PREX1: variants seen among roughly 807,000 people sequenced by gnomAD.
The protein encoded by PREX1 is phosphatidylinositol 3,4,5-trisphosphate-dependent Rac exchanger 1 protein.
In PREX1, 41 loss-of-function variants were observed where a neutral mutation model predicts 198.3. That is an observed-to-expected ratio of 0.21 (90% CI 0.16 to 0.27). The LOEUF is 0.27. Ranked by LOEUF, PREX1 falls within the 10% of genes least tolerant of loss-of-function variation. The pLI is 1.00. For synonymous variants in PREX1, 843 were observed against 887.2 expected (o/e 0.95, Z 0.89); for missense variants, 1,620 against 2,200.7 (o/e 0.74, Z 5.28).
chr20:48,648,743 C>T (rs896922544), intron 25 of PREX1, among the ~76,000 whole-genome samples: 3 of 152,192 alleles, frequency 2.0e-5, no homozygotes, highest in African/African-American at 7.2e-5. Flanking sequence ...GCTTCCCCAT[C>T]ATTCGTTGAT....
chr20:48,834,727 T>C, the PREX1 span, among the ~76,000 whole-genome samples: 1 of 152,146 alleles, frequency 6.6e-6, no homozygotes, highest in African/African-American at 2.4e-5. Context: ...AACTGGCTAA[T>C]TTTATTTTTT....
intron 13 of PREX1, among the ~76,000 whole-genome samples, chr20:48,676,483 G>A (rs1249734900): frequency 6.6e-6 from 1 of 152,226 alleles, no homozygotes; most frequent in Non-Finnish European, 1.5e-5. Flanking sequence ...TCCACCTACA[G>A]AGTGGGAGGC....
intron 15 of PREX1, among the ~76,000 whole-genome samples, chr20:48,665,287 CGGCTCCA>C (rs2089630171): frequency 1.4e-5 from 2 of 145,044 alleles, no homozygotes; most frequent in African/African-American, 2.7e-5. Context: ...ATTCTAATCC[CGGCTCCA>C]GACGGCCTGA....
At chr20:48,847,693 T>C in the PREX1 span, among the ~76,000 whole-genome samples, 2 of 152,196 alleles carry the variant, frequency 1.3e-5, no homozygotes, top group African/African-American at 4.8e-5. Flanking sequence ...GTCTGGAATA[T>C]ATGACTCAAT....
At chr20:48,816,651 T>A (rs2090460537) in intron 1 of PREX1, among the ~76,000 whole-genome samples, 1 of 151,976 alleles carries the variant, frequency 6.6e-6, no homozygotes, top group African/African-American at 2.4e-5. Flanking sequence ...TCAAGGCACC[T>A]CTAGGAAGTG....
At chr20:48,883,984 C>T in the PREX1 span, among the ~76,000 whole-genome samples, 1 of 151,952 alleles carries the variant, frequency 6.6e-6, no homozygotes, top group Non-Finnish European at 1.5e-5. Context: ...ACTAAAAATA[C>T]AAAAAACTAG....
chr20:48,780,701 T>C (rs1195390737), intron 1 of PREX1, among the ~76,000 whole-genome samples: 11 of 152,062 alleles, frequency 7.2e-5, no homozygotes, highest in South Asian at 2.1e-4. Flanking sequence ...GTGAAGGAAA[T>C]AGAAAGCCAC....
At chr20:48,663,292 A>G (rs73144013) in intron 15 of PREX1, among the ~76,000 whole-genome samples, 26,703 of 152,188 alleles carry the variant, frequency 0.18, 2,464 homozygotes, top group Middle Eastern at 0.3. Flanking sequence ...ATAGATCCAA[A>G]GGCCTCTCAG....
chr20:48,632,038 C>T (rs1363737182), intron 35 of PREX1, among the ~76,000 whole-genome samples: 1 of 152,224 alleles, frequency 6.6e-6, no homozygotes, highest in Non-Finnish European at 1.5e-5. Context: ...GGCTGTGTGA[C>T]CTTGGGCAAG....
chr20:48,659,692 G>A (rs2122935596), intron 16 of PREX1, among the ~76,000 whole-genome samples: 1 of 152,290 alleles, frequency 6.6e-6, no homozygotes, highest in Admixed American at 6.5e-5. Flanking sequence ...AGAGGCAAGG[G>A]AACAGAAAGG....
chr20:48,757,406 G>A (rs2090160149), intron 1 of PREX1, among the ~76,000 whole-genome samples: 1 of 152,200 alleles, frequency 6.6e-6, no homozygotes, highest in Admixed American at 6.5e-5. Context: ...GGTTCAGCAG[G>A]TGACTGATGG....
chr20:48,769,027 T>G (rs1444864307), intron 1 of PREX1, among the ~76,000 whole-genome samples: 1 of 152,176 alleles, frequency 6.6e-6, no homozygotes, highest in Non-Finnish European at 1.5e-5. Context: ...ACGCATGGGT[T>G]GTCCTGGCTC....
Position 48,736,932 on chromosome 20 carries a change from G to A in PREX1, c.415-2282C>T, listed in dbSNP as rs150753750. Among the ~76,000 whole-genome samples the A allele has an allele frequency of 1.5e-3, 232 of 152,142 alleles. 1 individual carries two copies. Among genetic ancestry groups the A allele is most frequent in the Non-Finnish European group, 2.5e-3 (171 of 68,000 alleles). ...TCTAGGTTCATAGCCCAAGTCTCCC[G>A]GTCACCAGCTCTTGGTCAAGACAAG... On this transcript the variant is annotated intron_variant, in intron 3 of 39. Coordinates refer to ENST00000371941, the MANE Select transcript of PREX1 (RefSeq NM_020820.4).
At chr20:48,734,870 T>G (rs539720562) in intron 3 of PREX1, among the ~76,000 whole-genome samples, 4 of 152,144 alleles carry the variant, frequency 2.6e-5, no homozygotes, top group Admixed American at 6.5e-5. Flanking sequence ...AATAACTTTT[T>G]GGGAAGCAGT....
intron 1 of PREX1, among the ~76,000 whole-genome samples, chr20:48,808,957 C>T (rs981163798): frequency 6.6e-6 from 1 of 152,212 alleles, no homozygotes; most frequent in African/African-American, 2.4e-5. Flanking sequence ...ACAGCTGAGT[C>T]TTCAATAGAA....
intron 3 of PREX1, among the ~76,000 whole-genome samples, chr20:48,736,132 C>T (rs553871890): frequency 2.2e-4 from 33 of 152,290 alleles, no homozygotes; most frequent in Middle Eastern, 6.8e-3. Flanking sequence ...ATGAGTAGAA[C>T]GGTGTCTGGC....
At chr20:48,837,989 T>C in the PREX1 span, among the ~76,000 whole-genome samples, 1 of 152,200 alleles carries the variant, frequency 6.6e-6, no homozygotes, top group Admixed American at 6.5e-5. Flanking sequence ...AAAGGTATTA[T>C]ACATGATGTA....
At chr20:48,700,669 G>A (rs2089869070) in intron 7 of PREX1, 84 bp downstream of exon 7, 5 of 1,535,086 alleles carry the variant, frequency 3.3e-6, no homozygotes, top group Non-Finnish European at 4.5e-6. Context: ...GGAAAGGGAG[G>A]CCCAGAGAGG....
At chr20:48,747,916 G>A (rs757833224) in intron 1 of PREX1, 36 bp from the exon 2 acceptor site, 15 of 1,570,712 alleles carry the variant, frequency 9.5e-6, no homozygotes, top group East Asian at 2.3e-5. Flanking sequence ...GAGTGTCCGC[G>A]TCTCCAGCTC....
Sources: allele counts gnomAD v4.1 joint callset (sites outside exome capture counted in the v4.1 genomes callset), GRCh38; gene constraint gnomAD v4.1.1; transcripts MANE v1.5; gene names NCBI Gene and HGNC (gene_info 2026-07-23, HGNC 2026-07-21).